Variants in PCDHA2 observed in about 807,000 individuals in gnomAD.
PCDHA2 encodes the protein protocadherin alpha-2.
Under a neutral mutation model 66.0 loss-of-function variants are expected in PCDHA2, and 58 were observed. That is an observed-to-expected ratio of 0.88 (90% CI 0.71 to 1.09). The LOEUF (loss-of-function observed/expected upper bound fraction) is 1.09, where lower values mean the gene tolerates loss of function less well. Ranked by LOEUF, PCDHA2 falls within the 50% of genes least tolerant of loss-of-function variation. The pLI, the probability that PCDHA2 is intolerant of heterozygous loss-of-function variation, is 0.00. For synonymous variants in PCDHA2, 634 were observed against 554.0 expected, an observed-to-expected ratio of 1.14 and a Z score of -2.03; for missense variants, 1,267 against 1,242.3, an observed-to-expected ratio of 1.02 and a Z score of -0.30.
intron 1 of PCDHA2, among the ~76,000 whole-genome samples, chr5:140,817,842 A>G (rs1223814016): frequency 4.6e-5 from 7 of 152,112 alleles, no homozygotes; most frequent in Admixed American, 3.9e-4. Context: ...TTTTACTATC[A>G]CTTTTGAGAA....
rs2098414886 is a variant in PCDHA2, at chr5:141,009,848, A to T, written c.2758A>T (p.Thr920Ser). 7 of 1,614,012 alleles carry T rather than the reference A, an allele frequency of 4.3e-6. No homozygotes were observed. Among genetic ancestry groups the T allele is most frequent in the Non-Finnish European group, 5.1e-6 (6 of 1,180,014 alleles). ...DFITFGKKEE[T>S]KKKKKKKKGN... ...CATAACCTTCGGCAAAAAGGAGGAGACCAAGAAAAAGAAGAAAAAGAAGAA... is the reference window on the plus strand; with the variant it reads ...CATAACCTTCGGCAAAAAGGAGGAGTCCAAGAAAAAGAAGAAAAAGAAGAA... The change falls in exon 4 of 4, where the codon ACC becomes TCC. Residue 920 changes from threonine (T) to serine (S), a missense_variant. Thr to Ser is a moderately conservative substitution (Grantham distance 58). Transcript: ENST00000526136.
chr5:140,795,821 C>T lies in PCDHA2; in HGVS notation c.857C>T (p.Ser286Phe). Reference sequence around the variant, plus strand: ...GTGTATTCACTCGGTAGTGATGTGTCCTCCACTATACAGACTAAGTTTACC... The same window carrying T: ...GTGTATTCACTCGGTAGTGATGTGTTCTCCACTATACAGACTAAGTTTACC... ...EIVYSLGSDV[S>F]STIQTKFTID... Residue 286 changes from serine (S) to phenylalanine (F), a missense_variant, in exon 1 of 4, where the codon TCC (serine) becomes TTC (phenylalanine). By Grantham distance (155) the Ser-to-Phe change is radical. Transcript: ENST00000526136. 6.2e-7 allele frequency: 1 copy of T among 1,613,094 alleles called. No homozygotes were observed. The highest frequency in any genetic ancestry group is 8.5e-7 in the Non-Finnish European group (1 of 1,179,270).
In PCDHA2 at chr5:140,903,563, T is replaced by C. The variant is rs1459855021; in HGVS notation, c.2389-75386T>C. ...CAAGAAACTTTTCTAATAAGTGGAA[T>C]TGGGAGCTGTCTAGCTGGTGTTGGC... On this transcript the variant is annotated intron_variant, in intron 1 of 3. Transcript: ENST00000526136. Among the ~76,000 whole-genome samples the C allele has an allele frequency of 2.6e-5, 4 of 152,208 alleles. No individual in the cohort carries two copies. In the East Asian group the frequency reaches 5.8e-4, roughly 22 times the overall value.
At chr5:140,855,950 C>G (rs1468443604) in intron 1 of PCDHA2, 1 of 1,363,922 alleles carries the variant, frequency 7.3e-7, no homozygotes, top group Non-Finnish European at 1.0e-6. Flanking sequence ...TCAGCCATTT[C>G]GATAAAAAAT....
rs2150240382 is a variant in PCDHA2, at chr5:140,835,640, C to A, written c.2388+38288C>A. On this transcript the variant is annotated intron_variant, in intron 1 of 3. Transcript: ENST00000526136. ...GCGCTCTGGACCGCGAGAGTGTGTC[C>A]GCCTATGAGCTGGTGGTTACCGCGC... The A allele has an allele frequency of 2.4e-5, 38 of 1,613,888 alleles. 2 individuals are homozygous for A. The highest frequency in any genetic ancestry group is 3.2e-5 in the Non-Finnish European group (38 of 1,179,872).
intron 1 of PCDHA2, among the ~76,000 whole-genome samples, chr5:140,891,369 A>G (rs13168533): frequency 0.051 from 7,710 of 152,068 alleles, 281 homozygotes; most frequent in Non-Finnish European, 0.073. Context: ...AGCAGTATAC[A>G]TTGCACCATA....
rs139863676 is a variant in PCDHA2, at chr5:140,843,172, C to T, written c.2388+45820C>T. ...ATGAGCTGCAGCCAGCTGCAAGCAG[C>T]CCTCGCATCCCGTTCCGCGTGGGGC... On this transcript the variant is annotated intron_variant, in intron 1 of 3. Transcript: ENST00000526136. 15,808 of 1,596,034 alleles carry T rather than the reference C, an allele frequency of 9.9e-3. 1,621 individuals are homozygous for T. Among genetic ancestry groups the T allele is most frequent in the Non-Finnish European group, 0.012 (14,321 of 1,165,582 alleles).
intron 1 of PCDHA2, among the ~76,000 whole-genome samples, chr5:140,844,656 C>T (rs1473422243): frequency 6.7e-6 from 1 of 149,316 alleles, no homozygotes; most frequent in African/African-American, 2.5e-5. Flanking sequence ...TTCTTGCAAA[C>T]CAAACATATA....
intron 1 of PCDHA2, chr5:140,883,813 C>CA (rs2059834466): frequency 6.2e-7 from 1 of 1,612,382 alleles, no homozygotes; most frequent in Non-Finnish European, 8.5e-7. Context: ...CGGAGAGCGG[C>CA]AAGGTGTACG....
intron 1 of PCDHA2, chr5:140,849,996 G>T (rs2150462323): frequency 6.3e-7 from 1 of 1,597,124 alleles, no homozygotes; most frequent in East Asian, 2.2e-5. Context: ...GCGGTTGGGC[G>T]AGCGCTCGCT....
intron 1 of PCDHA2, among the ~76,000 whole-genome samples, chr5:140,885,181 T>A (rs561922365): frequency 6.6e-6 from 1 of 152,330 alleles, no homozygotes; most frequent in African/African-American, 2.4e-5. Flanking sequence ...TCTAGGCACA[T>A]CAGTGTTCCC....
At chr5:140,850,541 G>A (rs1554144490) in intron 1 of PCDHA2, 2 of 1,598,272 alleles carry the variant, frequency 1.3e-6, no homozygotes, top group Non-Finnish European at 1.7e-6. Flanking sequence ...CGTCGCGGGC[G>A]TCAGTGGGTG....
chr5:140,846,829 T>C (rs1554141506), intron 1 of PCDHA2, among the ~76,000 whole-genome samples: 1 of 149,526 alleles, frequency 6.7e-6, no homozygotes, highest in African/African-American at 2.5e-5. Flanking sequence ...AAATAAAGAA[T>C]ATGAGTCACA....
chr5:140,966,281 G>T, intron 1 of PCDHA2: 1 of 366,828 alleles, frequency 2.7e-6, no homozygotes, highest in Non-Finnish European at 4.8e-6. Context: ...TGGACAGTGG[G>T]GGTAGGGAGA....
chr5:140,929,201 T>C (rs146014873), intron 1 of PCDHA2: 3 of 1,614,168 alleles, frequency 1.9e-6, no homozygotes, highest in East Asian at 4.5e-5. Flanking sequence ...AACAGTTTGC[T>C]GTTGCGTGGG....
intron 1 of PCDHA2, chr5:140,842,708 T>C (rs2150342617): frequency 6.3e-7 from 1 of 1,595,018 alleles, no homozygotes; most frequent in African/African-American, 1.3e-5. Context: ...GTACACGGTG[T>C]TCGTGAAGGA....
At chr5:140,863,105 A>C (rs1554157760) in intron 1 of PCDHA2, 1 of 581,650 alleles carries the variant, frequency 1.7e-6, no homozygotes, top group Non-Finnish European at 3.4e-6. Flanking sequence ...AGTACCCTGG[A>C]CGAGGCGAAA....
intron 1 of PCDHA2, among the ~76,000 whole-genome samples, chr5:140,800,376 G>A (rs913923771): frequency 6.6e-6 from 1 of 152,068 alleles, no homozygotes; most frequent in African/African-American, 2.4e-5. Context: ...GGGAATTACA[G>A]ACATTCTACA....
At chr5:140,856,326 A>G in intron 1 of PCDHA2, 1 of 1,598,548 alleles carries the variant, frequency 6.3e-7, no homozygotes, top group Non-Finnish European at 8.6e-7. Context: ...GACCGCGAGG[A>G]GCTGTGCGGG....
Sources: gnomAD v4.1 joint callset for allele counts (sites outside exome capture counted in the v4.1 genomes callset) on GRCh38, gnomAD v4.1.1 for gene constraint, MANE v1.5 for transcripts, NCBI Gene and HGNC (gene_info 2026-07-23, HGNC 2026-07-21) for gene names.